The following DLG2 variants were observed in gnomAD, a reference collection of about 807,000 sequenced individuals.
DLG2 encodes the protein discs large MAGUK scaffold protein 2, also known as disks large homolog 2.
A neutral mutation model predicts 132.5 loss-of-function variants in DLG2; 45 were observed. The observed-to-expected ratio is 0.34, with a 90% CI of 0.27 to 0.44. The LOEUF (loss-of-function observed/expected upper bound fraction) is 0.44. Ranked by LOEUF, DLG2 falls within the 20% of genes least tolerant of loss-of-function variation. The pLI is 1.00. For missense variants in DLG2, 1,045 were observed against 1,196.9 expected (o/e 0.87, Z 1.87); for synonymous variants, 424 against 419.6 (o/e 1.01, Z -0.13).
chr11:83,888,667 G>T (rs1209304545), intron 15 of DLG2, among the ~76,000 whole-genome samples: 2 of 152,116 alleles, frequency 1.3e-5, no homozygotes, highest in Non-Finnish European at 2.9e-5. Context: ...AAAGAACAAA[G>T]CTGGAGGCAT....
chr11:84,773,765 C>T (rs2069857157), intron 6 of DLG2, among the ~76,000 whole-genome samples: 1 of 152,116 alleles, frequency 6.6e-6, no homozygotes, highest in Non-Finnish European at 1.5e-5. Context: ...CCTCAACAAA[C>T]TAGTTATTAA....
intron 8 of DLG2, among the ~76,000 whole-genome samples, chr11:84,196,854 A>G (rs914385970): frequency 5.3e-5 from 8 of 151,862 alleles, no homozygotes; most frequent in African/African-American, 1.9e-4. Flanking sequence ...AGCCTAGTCA[A>G]CAAGGCGAAA....
chr11:85,103,712 A>G (rs2071246628), intron 6 of DLG2, among the ~76,000 whole-genome samples: 1 of 151,908 alleles, frequency 6.6e-6, no homozygotes, highest in Non-Finnish European at 1.5e-5. Flanking sequence ...TGACCAAAAA[A>G]AGATAAATTA....
intron 3 of DLG2, among the ~76,000 whole-genome samples, chr11:85,361,241 C>T (rs970346419): frequency 3.3e-5 from 5 of 152,106 alleles, no homozygotes; most frequent in African/African-American, 1.2e-4. Context: ...CTGCAAACTC[C>T]GCCTCCCTGG....
At chr11:85,441,659 GA>G (rs555513206) in intron 3 of DLG2, among the ~76,000 whole-genome samples, 6 of 152,154 alleles carry the variant, frequency 3.9e-5, no homozygotes, top group Non-Finnish European at 8.8e-5. Flanking sequence ...TTCACAAAAA[GA>G]GAATTAAATT....
chr11:84,502,412 T>TTCTC (rs1567807647), intron 7 of DLG2, among the ~76,000 whole-genome samples: 23 of 115,610 alleles, frequency 2.0e-4, no homozygotes, highest in South Asian at 8.5e-4. Flanking sequence ...CTTTCTTTCT[T>TTCTC]TCTATACAGA....
chr11:85,587,115 T>C (rs1187970336), intron 3 of DLG2, among the ~76,000 whole-genome samples: 6 of 152,188 alleles, frequency 3.9e-5, no homozygotes, highest in Non-Finnish European at 7.4e-5. Flanking sequence ...TTTTGTGGCC[T>C]ATCCTATGGT....
rs368160413 is a variant in DLG2, at chr11:84,361,822, A to T, written c.520-110531T>A. Reference sequence around the variant, plus strand: ...TATTATTGTGAGTTTCTCACATTATATGTGAAGTGGTATAATATTATTTAA... The same window carrying T: ...TATTATTGTGAGTTTCTCACATTATTTGTGAAGTGGTATAATATTATTTAA... On this transcript the variant is annotated intron_variant, in intron 7 of 27. Transcript: ENST00000376104. Among the ~76,000 whole-genome samples the T allele has an allele frequency of 3.3e-5, 5 of 152,110 alleles. No homozygotes were observed. The East Asian group carries it at 9.7e-4, about 29-fold the overall frequency.
chr11:85,104,894 A>C (rs2071465665), intron 6 of DLG2, among the ~76,000 whole-genome samples: 1 of 150,238 alleles, frequency 6.7e-6, no homozygotes, highest in Admixed American at 6.6e-5. Context: ...AAAAAAAAAA[A>C]AAAAAACAGA....
chr11:84,040,231 T>C (rs1470077171), intron 11 of DLG2, among the ~76,000 whole-genome samples: 18 of 151,658 alleles, frequency 1.2e-4, no homozygotes, highest in South Asian at 4.2e-4. Context: ...TTAATTAGAT[T>C]CCATTTGTCA....
At chr11:85,165,207 G>A (rs867087676) in intron 4 of DLG2, among the ~76,000 whole-genome samples, 3 of 152,164 alleles carry the variant, frequency 2.0e-5, no homozygotes, top group Non-Finnish European at 2.9e-5. Flanking sequence ...AACATTTGTT[G>A]CCAGATGTTT....
chr11:83,986,430 G>T (rs959044954), intron 11 of DLG2, among the ~76,000 whole-genome samples: 7 of 151,244 alleles, frequency 4.6e-5, no homozygotes, highest in African/African-American at 1.7e-4. Flanking sequence ...TGGTGTATAT[G>T]TGCCACATTT....
intron 3 of DLG2, among the ~76,000 whole-genome samples, chr11:85,565,756 T>C (rs1036211916): frequency 1.3e-5 from 2 of 152,176 alleles, no homozygotes; most frequent in African/African-American, 2.4e-5. Context: ...CATCAGTTGA[T>C]GGACATTTGG....
intron 7 of DLG2, among the ~76,000 whole-genome samples, chr11:84,312,379 C>T (rs558171835): frequency 8.3e-4 from 126 of 152,012 alleles, no homozygotes; most frequent in Admixed American, 2.0e-3. Flanking sequence ...CTCAGGAGAC[C>T]GAGGCAGGAG....
chr11:84,626,874 ATTTTATT>A (rs2099623640), intron 6 of DLG2, among the ~76,000 whole-genome samples: 2 of 144,012 alleles, frequency 1.4e-5, no homozygotes, highest in Non-Finnish European at 3.1e-5. Context: ...ATTTTATTTT[ATTTTATT>A]TTATTTTTGA....
chr11:84,704,648 A>T (rs1230985855), intron 6 of DLG2, among the ~76,000 whole-genome samples: 1 of 151,552 alleles, frequency 6.6e-6, no homozygotes, highest in Non-Finnish European at 1.5e-5. Context: ...ATTCACACCA[A>T]TATAATGTTT....
intron 6 of DLG2, among the ~76,000 whole-genome samples, chr11:84,604,918 C>A (rs2099582710): frequency 6.6e-6 from 1 of 151,800 alleles, no homozygotes; most frequent in Non-Finnish European, 1.5e-5. Flanking sequence ...TTTCTACTCC[C>A]AAGTGATAAT....
intron 21 of DLG2, among the ~76,000 whole-genome samples, chr11:83,496,709 G>T (rs969261125): frequency 2.0e-5 from 3 of 152,156 alleles, no homozygotes; most frequent in African/African-American, 7.2e-5. Flanking sequence ...TAATTCCAAT[G>T]ACTGTAAGTC....
At chr11:84,839,785 A>G (rs998442215) in intron 6 of DLG2, among the ~76,000 whole-genome samples, 2 of 152,210 alleles carry the variant, frequency 1.3e-5, no homozygotes, top group African/African-American at 2.4e-5. Flanking sequence ...CTGGCTACCC[A>G]TATGTAGAAA....
Sources: gnomAD v4.1 joint callset for allele counts (sites outside exome capture counted in the v4.1 genomes callset) on GRCh38, gnomAD v4.1.1 for gene constraint, MANE v1.5 for transcripts, NCBI Gene and HGNC (gene_info 2026-07-23, HGNC 2026-07-21) for gene names.